Variants in GPR158 observed in about 807,000 individuals in gnomAD.
GPR158 encodes the protein metabotropic glycine receptor.
In GPR158, 30 loss-of-function variants were observed where a neutral mutation model predicts 78.2. The observed-to-expected ratio is 0.38, with a 90% CI of 0.29 to 0.52. The LOEUF (loss-of-function observed/expected upper bound fraction) is 0.52, where lower values mean the gene tolerates loss of function less well. Ranked by LOEUF, GPR158 falls within the 20% of genes least tolerant of loss-of-function variation. GPR158 has a pLI of 0.83. For synonymous variants in GPR158, 581 were observed against 591.1 expected (o/e 0.98, Z 0.25); for missense variants, 1,463 against 1,523.5 (o/e 0.96, Z 0.66).
intron 9 of GPR158, 31 bp downstream of exon 9, chr10:25,594,428 A>G (rs780934171): frequency 1.0e-6 from 1 of 966,128 alleles, no homozygotes; most frequent in South Asian, 1.5e-5. Flanking sequence ...TTTTTTTTGC[A>G]AAACTTATTT....
At chr10:25,317,293 C>A (rs2130472494) in intron 2 of GPR158, among the ~76,000 whole-genome samples, 1 of 152,098 alleles carries the variant, frequency 6.6e-6, no homozygotes, top group South Asian at 2.1e-4. Flanking sequence ...GGTTATCCAC[C>A]CACCTCAGCC....
At chr10:25,362,886 T>TA (rs1390757776) in intron 2 of GPR158, among the ~76,000 whole-genome samples, 1 of 151,908 alleles carries the variant, frequency 6.6e-6, no homozygotes, top group African/African-American at 2.4e-5. Flanking sequence ...TTTTTATATA[T>TA]TTTTTAATAT....
intron 2 of GPR158, among the ~76,000 whole-genome samples, chr10:25,336,061 T>C (rs1166479518): frequency 7.9e-5 from 12 of 152,034 alleles, no homozygotes; most frequent in Admixed American, 6.6e-4. Context: ...TATTATCAAA[T>C]GTGAAGATAG....
chr10:25,331,633 A>G (rs368524275), intron 2 of GPR158, among the ~76,000 whole-genome samples: 46 of 152,324 alleles, frequency 3.0e-4, no homozygotes, highest in South Asian at 2.1e-3. Flanking sequence ...GCTAACATCA[A>G]TGACTCTGTA....
At position 25,336,386 on chromosome 10, in the gene GPR158, A is replaced by C. The variant is rs117303498; in HGVS notation, c.1009-59525A>C. Among the ~76,000 whole-genome samples, 1,221 of 152,160 alleles carry C rather than the reference A, an allele frequency of 8.0e-3. 56 individuals are homozygous for C. The highest frequency in any genetic ancestry group is 0.061 in the Admixed American group (937 of 15,238). ...CTTTATTGTGATTCAGTTGGCTGTT[A>C]TAGCAGGTGTTTTTGGTTGCCTCTC... On this transcript the variant is annotated intron_variant, in intron 2 of 10. Coordinates refer to ENST00000376351, the MANE Select transcript of GPR158 (RefSeq NM_020752.3).
At chr10:25,540,544 A>C (rs1320220884) in intron 5 of GPR158, among the ~76,000 whole-genome samples, 1 of 152,172 alleles carries the variant, frequency 6.6e-6, no homozygotes, top group African/African-American at 2.4e-5. Flanking sequence ...AACCAACCCA[A>C]ATGTCCAACA....
chr10:25,486,124 T>C (rs970878661), intron 5 of GPR158, among the ~76,000 whole-genome samples: 7 of 152,122 alleles, frequency 4.6e-5, no homozygotes, highest in African/African-American at 1.7e-4. Context: ...AGCTACCCAA[T>C]TTGTGGCATT....
chr10:25,404,034 A>T (rs866949838), intron 3 of GPR158, among the ~76,000 whole-genome samples: 5 of 152,106 alleles, frequency 3.3e-5, no homozygotes, highest in Admixed American at 6.6e-5. Context: ...GCTTCTTATT[A>T]TGTAGTAGTA....
rs376026144 is a variant in GPR158 at position 25,220,685 on chromosome 10, T to C, written c.903-367T>C. On this transcript the variant is annotated intron_variant, in intron 1 of 10. Transcript: ENST00000376351. The stretch of plus-strand genomic sequence containing the variant: ...AAGAAATGAACTGAAGGCTTTATTT[T>C]AATTTACTTTACTAGAAGGGGTTCT... Among the ~76,000 whole-genome samples the C allele has an allele frequency of 3.3e-5, 5 of 152,238 alleles. No individual in the cohort carries two copies. In the East Asian group the frequency reaches 9.6e-4, roughly 29 times the overall value.
At chr10:25,557,026 C>T (rs1175607986) in intron 6 of GPR158, among the ~76,000 whole-genome samples, 1 of 152,092 alleles carries the variant, frequency 6.6e-6, no homozygotes, top group East Asian at 1.9e-4. Flanking sequence ...TTAAATTGTA[C>T]TTAACAGGAA....
chr10:25,291,346 A>G (rs903191235), intron 2 of GPR158, among the ~76,000 whole-genome samples: 1 of 152,098 alleles, frequency 6.6e-6, no homozygotes, highest in African/African-American at 2.4e-5. Flanking sequence ...AAATGGGATC[A>G]ATTTCTGATT....
chr10:25,297,113 A>G (rs1235400119), intron 2 of GPR158, among the ~76,000 whole-genome samples: 1 of 152,218 alleles, frequency 6.6e-6, no homozygotes, highest in Non-Finnish European at 1.5e-5. Flanking sequence ...TTAGCTCTCC[A>G]TAACTCAGGC....
chr10:25,425,457 C>T (rs184319516), intron 4 of GPR158, among the ~76,000 whole-genome samples: 24 of 151,918 alleles, frequency 1.6e-4, no homozygotes, highest in Non-Finnish European at 2.8e-4. Flanking sequence ...ATATGTTCAT[C>T]GGCCATTTGT....
rs1852526834 is a variant in GPR158 at position 25,176,050 on chromosome 10, A to C, written c.630A>C (p.Ala210=). 1 of 1,607,568 alleles carries C rather than the reference A, an allele frequency of 6.2e-7. No individual in the cohort carries two copies. The highest frequency in any genetic ancestry group is 1.7e-4 in the Middle Eastern group (1 of 6,054). The change falls in exon 1 of 11, where the codon GCA becomes GCC. Residue 210 remains alanine (A), a synonymous_variant. Transcript: ENST00000376351. The surrounding 1 kb of genome is among the most constrained non-coding windows in gnomAD (Gnocchi z 6.3). ...RILLQDLSSS[A]PHLANATLET... is the part of the protein sequence containing the mutation. Reference sequence around the variant, plus strand: ...TGCTCCAAGACCTGTCCTCCTCCGCACCCCACCTGGCCAACGCCACTCTGG... The same window carrying C: ...TGCTCCAAGACCTGTCCTCCTCCGCCCCCCACCTGGCCAACGCCACTCTGG...
At chr10:25,356,306 T>C (rs1453364365) in intron 2 of GPR158, among the ~76,000 whole-genome samples, 2 of 152,090 alleles carry the variant, frequency 1.3e-5, no homozygotes, top group East Asian at 3.9e-4. Context: ...CAGTGCTGTA[T>C]ATTTGTTTTT....
At chr10:25,510,142 T>G (rs1836064633) in intron 5 of GPR158, among the ~76,000 whole-genome samples, 1 of 152,202 alleles carries the variant, frequency 6.6e-6, no homozygotes, top group Non-Finnish European at 1.5e-5. Flanking sequence ...GCATGTGGGA[T>G]GAGACATAGA....
chr10:25,493,655 G>C (rs1242889005), intron 5 of GPR158, among the ~76,000 whole-genome samples: 1 of 152,164 alleles, frequency 6.6e-6, no homozygotes, highest in Non-Finnish European at 1.5e-5. Flanking sequence ...AGGCAGTCAA[G>C]TTTCTTAGTG....
intron 4 of GPR158, among the ~76,000 whole-genome samples, chr10:25,412,909 G>A (rs1182007570): frequency 6.6e-6 from 1 of 152,174 alleles, no homozygotes; most frequent in South Asian, 2.1e-4. Context: ...TTTGAAGAAT[G>A]AATTTATTTA....
chr10:25,410,397 A>C (rs1834567487), intron 3 of GPR158, among the ~76,000 whole-genome samples: 1 of 152,058 alleles, frequency 6.6e-6, no homozygotes, highest in Admixed American at 6.6e-5. Flanking sequence ...GCAGGTGGAT[A>C]ACAAGGTGAT....
Sources: allele counts gnomAD v4.1 joint callset (sites outside exome capture counted in the v4.1 genomes callset), GRCh38; gene constraint gnomAD v4.1.1; non-coding constraint Gnocchi (gnomAD v3.1); transcripts MANE v1.5; gene names NCBI Gene and HGNC (gene_info 2026-07-23, HGNC 2026-07-21).